The following CCDC85C variants were observed in gnomAD, a reference collection of about 807,000 sequenced individuals.
CCDC85C encodes the protein coiled-coil domain-containing protein 85C.
In CCDC85C, 18 loss-of-function variants were observed where a neutral mutation model predicts 38.3. That is an observed-to-expected ratio of 0.47 (90% confidence interval 0.33 to 0.70). The LOEUF is 0.70. Among genes scored for constraint, CCDC85C ranks in the 30% least tolerant of loss-of-function variants. CCDC85C has a pLI of 0.03. For synonymous variants in CCDC85C, 264 were observed against 293.8 expected (o/e 0.90, Z 1.04); for missense variants, 566 against 621.2 (o/e 0.91, Z 0.94).
chr14:99,517,637 G>T (rs1434851891), intron 3 of CCDC85C, among the ~76,000 whole-genome samples: 1 of 152,184 alleles, frequency 6.6e-6, no homozygotes, highest in Non-Finnish European at 1.5e-5. Flanking sequence ...GGCGAGGCCG[G>T]CTTCGCCCTG....
intron 1 of CCDC85C, among the ~76,000 whole-genome samples, chr14:99,542,046 T>C (rs1040116525): frequency 2.0e-5 from 3 of 152,180 alleles, no homozygotes; most frequent in East Asian, 3.9e-4. Context: ...GCAGGAGACC[T>C]GGCCACTCCA....
intron 1 of CCDC85C, among the ~76,000 whole-genome samples, chr14:99,590,025 G>C (rs529642120): frequency 1.3e-5 from 2 of 152,202 alleles, no homozygotes; most frequent in Non-Finnish European, 2.9e-5. Context: ...CCAGGGTTTC[G>C]CACAACATTT....
At chr14:99,575,201 C>T (rs34692435) in intron 1 of CCDC85C, among the ~76,000 whole-genome samples, 47,121 of 152,124 alleles carry the variant, frequency 0.31, 8,429 homozygotes, top group Non-Finnish European at 0.4. Context: ...GGGGTGAGGC[C>T]GCGTCCTGGC....
At chr14:99,596,799 T>C (rs2055147577) in intron 1 of CCDC85C, among the ~76,000 whole-genome samples, 1 of 152,012 alleles carries the variant, frequency 6.6e-6, no homozygotes, top group Admixed American at 6.6e-5. Flanking sequence ...AACCCCAGAG[T>C]GGTCCCTGCC....
chr14:99,568,750 T>C lies in CCDC85C; in HGVS notation c.794-32662A>G, dbSNP rs1157137821. ...GTGAGGAGTACTTCAAGTTGCTTTA[T>C]TATTAGTGGTTTGGCCCAAAGCCAG... On this transcript the variant is annotated intron_variant, in intron 1 of 5. Transcript: ENST00000380243. 2.0e-5 allele frequency among the ~76,000 whole-genome samples: 3 copies of C among 152,202 alleles called. 1 individual carries two copies. In the South Asian group the frequency reaches 6.2e-4, roughly 31 times the overall value.
chr14:99,562,577 CG>C (rs1898138074), intron 1 of CCDC85C, among the ~76,000 whole-genome samples: 1 of 152,294 alleles, frequency 6.6e-6, no homozygotes, highest in South Asian at 2.1e-4. Flanking sequence ...AGGCGATATC[CG>C]AAACCTGCCT....
At position 99,503,108 on chromosome 14, in the gene CCDC85C, C is replaced by T. The variant is rs1024052286; in HGVS notation, c.*12138G>A. The T allele has an allele frequency of 2.8e-6, 3 of 1,089,994 alleles. No homozygotes were observed. Among genetic ancestry groups the T allele is most frequent in the East Asian group, 2.4e-5 (1 of 42,376 alleles). The allele number at this position is 1,089,994 out of a possible 1,614,324, so 67.5% of individuals were successfully genotyped here. ...GAAGCAGGGGGTGTTCGCCGAAACT[C>T]GCAGTCCGACTGCTTGTCGGTGGGG... is the stretch of plus-strand genomic sequence containing the variant. On this transcript the variant is annotated 3_prime_UTR_variant, in exon 6 of 6. Transcript: ENST00000380243.
chr14:99,549,822 G>A (rs1487223156), intron 1 of CCDC85C, among the ~76,000 whole-genome samples: 2 of 152,216 alleles, frequency 1.3e-5, no homozygotes, highest in African/African-American at 2.4e-5. Flanking sequence ...GTCCTGGGGA[G>A]GACACATTCT....
intron 1 of CCDC85C, among the ~76,000 whole-genome samples, chr14:99,539,286 C>T (rs1897665731): frequency 6.6e-6 from 1 of 151,982 alleles, no homozygotes; most frequent in Non-Finnish European, 1.5e-5. Flanking sequence ...GCCTGACCAA[C>T]ATGGTGAAAC....
rs373261305 is a variant in CCDC85C, at chr14:99,555,849, C to T, written c.794-19761G>A. Among the ~76,000 whole-genome samples the T allele has an allele frequency of 3.1e-4, 47 of 152,340 alleles. No individual in the cohort carries two copies. In the South Asian group the frequency reaches 9.5e-3, roughly 31 times the overall value. Reference sequence around the variant, plus strand: ...TGCTCAGCTTACAATGGGGGACCCTCCCAAACCACGTAATCAAGTTCACAC... The same window carrying T: ...TGCTCAGCTTACAATGGGGGACCCTTCCAAACCACGTAATCAAGTTCACAC... On this transcript the variant is annotated intron_variant, in intron 1 of 5. Coordinates refer to ENST00000380243, the MANE Select transcript of CCDC85C (RefSeq NM_001144995.2).
Position 99,516,220 on chromosome 14 carries a change from T to C in CCDC85C, c.1138A>G (p.Lys380Glu), listed in dbSNP as rs1373086271. 2.6e-6 allele frequency: 4 copies of C among 1,551,266 alleles called. No homozygotes were observed. The highest frequency in any genetic ancestry group is 3.5e-6 in the Non-Finnish European group (4 of 1,146,922). Residue 380 changes from lysine to glutamate, a missense_variant, in exon 5 of 6, where the codon AAG becomes GAG. Transcript: ENST00000380243. The surrounding 1 kb of genome is among the most constrained non-coding windows in gnomAD (Gnocchi z 5.5). ...QDSCEEDLSE[K>E]EKAIVREMCN... ...ATCTCGCGAACGATGGCCTTCTCCT[T>C]CTCACTCAGGTCCTCCTCACAGCTG... is the stretch of plus-strand genomic sequence containing the variant.
chr14:99,567,300 A>C (rs1309121190), intron 1 of CCDC85C, among the ~76,000 whole-genome samples: 1 of 152,208 alleles, frequency 6.6e-6, no homozygotes, highest in Non-Finnish European at 1.5e-5. Flanking sequence ...GAACAGACCC[A>C]CAGGAACACA....
chr14:99,542,090 A>AG (rs1175983984), intron 1 of CCDC85C, among the ~76,000 whole-genome samples: 1 of 152,146 alleles, frequency 6.6e-6, no homozygotes, highest in Non-Finnish European at 1.5e-5. Flanking sequence ...CCTGCCCAGC[A>AG]CCTCCATGGG....
intron 2 of CCDC85C, among the ~76,000 whole-genome samples, chr14:99,529,979 G>A (rs922656333): frequency 6.6e-6 from 1 of 152,214 alleles, no homozygotes; most frequent in Non-Finnish European, 1.5e-5. Context: ...TTTTGCAGAG[G>A]GGGAAACTGA....
At chr14:99,582,546 G>A (rs982424851) in intron 1 of CCDC85C, among the ~76,000 whole-genome samples, 1 of 152,128 alleles carries the variant, frequency 6.6e-6, no homozygotes, top group Non-Finnish European at 1.5e-5. Context: ...GCTGGGCACA[G>A]TGGCTCATGC....
At chr14:99,562,439 A>G (rs1270278681) in intron 1 of CCDC85C, among the ~76,000 whole-genome samples, 4 of 152,360 alleles carry the variant, frequency 2.6e-5, no homozygotes, top group South Asian at 4.1e-4. Context: ...CATCAGGCAC[A>G]TGGTGCATGA....
intron 1 of CCDC85C, among the ~76,000 whole-genome samples, chr14:99,538,004 C>A (rs1897638643): frequency 6.6e-6 from 1 of 152,196 alleles, no homozygotes; most frequent in South Asian, 2.1e-4. Context: ...CTTCCGGCTC[C>A]CTCACTCTGA....
At chr14:99,573,998 G>A (rs748834079) in intron 1 of CCDC85C, among the ~76,000 whole-genome samples, 3 of 152,206 alleles carry the variant, frequency 2.0e-5, no homozygotes, top group Admixed American at 6.5e-5. Context: ...AGGGACAGCC[G>A]TGTTCATGAG....
intron 1 of CCDC85C, among the ~76,000 whole-genome samples, chr14:99,596,508 CCCT>C (rs1402519838): frequency 6.6e-6 from 1 of 152,232 alleles, no homozygotes; most frequent in African/African-American, 2.4e-5. Context: ...TGCTCTGCTC[CCCT>C]CAAGAGCTGG....
Sources: gnomAD v4.1 joint callset for allele counts (sites outside exome capture counted in the v4.1 genomes callset) on GRCh38, gnomAD v4.1.1 for gene constraint, Gnocchi (gnomAD v3.1) non-coding constraint, MANE v1.5 for transcripts, NCBI Gene and HGNC (gene_info 2026-07-23, HGNC 2026-07-21) for gene names.